UVRAG: variants seen among roughly 807,000 people sequenced by gnomAD.
UVRAG encodes the protein UV radiation resistance associated.
Under a neutral mutation model 78.0 loss-of-function variants are expected in UVRAG, and 19 were observed. The observed-to-expected ratio is 0.24, with a 90% CI of 0.17 to 0.36. UVRAG has a LOEUF of 0.36. Ranked by LOEUF, UVRAG falls within the 10% of genes least tolerant of loss-of-function variation. The pLI is 1.00. For missense variants in UVRAG, 740 were observed against 853.8 expected (o/e 0.87, Z 1.66); for synonymous variants, 323 against 324.6 (o/e 1.00, Z 0.05).
At chr11:75,982,943 C>T (rs981112589) in intron 7 of UVRAG, among the ~76,000 whole-genome samples, 7 of 152,028 alleles carry the variant, frequency 4.6e-5, no homozygotes, top group African/African-American at 1.4e-4. Context: ...TGTCGTTCGG[C>T]TATTATGAGT....
chr11:75,909,230 C>T (rs1316834450), intron 5 of UVRAG, among the ~76,000 whole-genome samples: 1 of 152,010 alleles, frequency 6.6e-6, no homozygotes, highest in Non-Finnish European at 1.5e-5. Context: ...GCCTGTAATC[C>T]CAGCTAATTG....
chr11:76,129,868 GTC>G (rs147417062), intron 14 of UVRAG, among the ~76,000 whole-genome samples: 2,174 of 146,028 alleles, frequency 0.015, 28 homozygotes, highest in African/African-American at 0.037. Context: ...AAGTATAAAT[GTC>G]TCTCTCTCTC....
intron 3 of UVRAG, among the ~76,000 whole-genome samples, chr11:75,879,592 C>T (rs1232247801): frequency 3.9e-5 from 6 of 152,156 alleles, no homozygotes; most frequent in African/African-American, 1.4e-4. Flanking sequence ...TTAATAATCA[C>T]GTATTAAGTG....
At chr11:76,090,112 AT>A (rs1327900768) in intron 13 of UVRAG, among the ~76,000 whole-genome samples, 26 of 152,062 alleles carry the variant, frequency 1.7e-4, no homozygotes, top group Non-Finnish European at 2.9e-4. Context: ...CTGCACCTCC[AT>A]TTTTATGTTT....
At chr11:75,833,704 T>A (rs1272509459) in intron 1 of UVRAG, among the ~76,000 whole-genome samples, 2 of 152,192 alleles carry the variant, frequency 1.3e-5, no homozygotes, top group Non-Finnish European at 2.9e-5. Flanking sequence ...GTGATAAGCA[T>A]TGTTTCTATA....
At chr11:76,047,505 C>G (rs1401734308) in intron 12 of UVRAG, among the ~76,000 whole-genome samples, 9 of 152,170 alleles carry the variant, frequency 5.9e-5, no homozygotes, top group Admixed American at 5.2e-4. Flanking sequence ...TGGTTCTCTC[C>G]CCACTGGCAC....
intron 1 of UVRAG, among the ~76,000 whole-genome samples, chr11:75,840,781 A>C (rs764056913): frequency 2.8e-4 from 43 of 152,368 alleles, no homozygotes; most frequent in Middle Eastern, 6.8e-3. Context: ...GCTTATAGCC[A>C]GTAGCCCCAG....
intron 7 of UVRAG, among the ~76,000 whole-genome samples, chr11:75,981,886 C>T (rs923692934): frequency 2.6e-5 from 4 of 151,318 alleles, no homozygotes; most frequent in Non-Finnish European, 5.9e-5. Flanking sequence ...TTCTTTATAT[C>T]TTCTGTTTCT....
At chr11:76,082,323 G>A (rs1030652680) in intron 13 of UVRAG, among the ~76,000 whole-genome samples, 3 of 151,452 alleles carry the variant, frequency 2.0e-5, no homozygotes, top group Admixed American at 6.6e-5. Context: ...GGCAGATCAC[G>A]AGGTCAGGAG....
intron 6 of UVRAG, among the ~76,000 whole-genome samples, chr11:75,958,720 C>T (rs1293377138): frequency 1.3e-5 from 2 of 152,158 alleles, no homozygotes; most frequent in Admixed American, 6.5e-5. Context: ...TTCAGAATGG[C>T]GAATCCTTTC....
At chr11:75,867,930 AG>A (rs1946570075) in intron 3 of UVRAG, among the ~76,000 whole-genome samples, 1 of 152,228 alleles carries the variant, frequency 6.6e-6, no homozygotes, top group Non-Finnish European at 1.5e-5. Context: ...GCTACTTTTA[AG>A]GGTGTGCGTG....
chr11:75,981,668 A>G (rs1198105036), intron 7 of UVRAG, among the ~76,000 whole-genome samples: 3 of 151,362 alleles, frequency 2.0e-5, no homozygotes, highest in Non-Finnish European at 1.5e-5. Context: ...TTTTCTTTCT[A>G]GTATTCTGAT....
intron 5 of UVRAG, chr11:75,892,446 A>T: frequency 1.1e-6 from 1 of 950,002 alleles, no homozygotes; most frequent in Non-Finnish European, 1.3e-6. Context: ...GAGCACTTCT[A>T]TGCTGGCACT....
intron 8 of UVRAG, among the ~76,000 whole-genome samples, chr11:76,003,072 T>TA (rs887153981): frequency 5.8e-4 from 87 of 149,702 alleles, no homozygotes; most frequent in African/African-American, 2.0e-3. Context: ...AAACCCTGTC[T>TA]AAAAAAAAAG....
intron 12 of UVRAG, among the ~76,000 whole-genome samples, chr11:76,033,822 A>G (rs1026055677): frequency 6.6e-6 from 1 of 152,170 alleles, no homozygotes; most frequent in African/African-American, 2.4e-5. Context: ...ACTGGCAAAA[A>G]TTAGAATGTC....
intron 13 of UVRAG, among the ~76,000 whole-genome samples, chr11:76,073,382 T>C (rs1951350837): frequency 6.6e-6 from 1 of 152,168 alleles, no homozygotes; most frequent in South Asian, 2.1e-4. Context: ...AAACATTTTC[T>C]CAAAACTGAA....
At chr11:76,016,083 A>G (rs1033242096) in intron 11 of UVRAG, among the ~76,000 whole-genome samples, 3 of 152,216 alleles carry the variant, frequency 2.0e-5, no homozygotes, top group Non-Finnish European at 2.9e-5. Flanking sequence ...AGAAATCTGG[A>G]TAAGTTTAGA....
At chr11:76,116,322 A>G (rs1425180318) in intron 14 of UVRAG, among the ~76,000 whole-genome samples, 1 of 152,196 alleles carries the variant, frequency 6.6e-6, no homozygotes, top group African/African-American at 2.4e-5. Flanking sequence ...GATTCATGGT[A>G]AGGGAGACCC....
chr11:75,914,218 A>G lies in UVRAG; in HGVS notation c.593+2179A>G, dbSNP rs560666422. On this transcript the variant is annotated intron_variant, in intron 6 of 14. Transcript: ENST00000356136. Reference sequence around the variant, plus strand: ...CTATTAAATGATCCTCTTTTCCCATAGTGTTTGCCATGATATATGTGAAGT... The same window carrying G: ...CTATTAAATGATCCTCTTTTCCCATGGTGTTTGCCATGATATATGTGAAGT... 4.5e-4 allele frequency: 68 copies of G among 152,326 alleles called. 1 individual carries two copies. The highest frequency in any genetic ancestry group is 1.5e-3 in the African/African-American group (63 of 41,560). The allele number at this position is 152,326 out of a possible 1,614,324, so 9.4% of individuals were successfully genotyped here.
Sources: allele counts gnomAD v4.1 joint callset (sites outside exome capture counted in the v4.1 genomes callset), GRCh38; gene constraint gnomAD v4.1.1; transcripts MANE v1.5; gene names NCBI Gene and HGNC (gene_info 2026-07-23, HGNC 2026-07-21).